COG5: variants seen among roughly 807,000 people sequenced by gnomAD.
COG5 encodes component of oligomeric golgi complex 5.
Under a neutral mutation model 110.4 loss-of-function variants are expected in COG5, and 86 were observed. That is an observed-to-expected ratio of 0.78 (90% CI 0.65 to 0.93). COG5 has a LOEUF of 0.93. COG5 is among the 40% of genes least tolerant of loss of function. COG5 has a pLI of 0.00. For missense variants in COG5, 1,077 were observed against 987.0 expected (o/e 1.09, Z -1.22); for synonymous variants, 360 against 334.6 (o/e 1.08, Z -0.83).
intron 6 of COG5, among the ~76,000 whole-genome samples, chr7:107,491,605 A>G (rs901803308): frequency 6.6e-6 from 1 of 152,198 alleles, no homozygotes; most frequent in African/African-American, 2.4e-5. Flanking sequence ...TCCAAATAAA[A>G]TAGTTTACAA....
At chr7:107,496,385 A>T (rs547105176) in intron 6 of COG5, among the ~76,000 whole-genome samples, 1 of 152,188 alleles carries the variant, frequency 6.6e-6, no homozygotes, top group South Asian at 2.1e-4. Context: ...CTGACTGGGC[A>T]CAGTGGTTCA....
At chr7:107,389,919 G>A (rs1790496485) in intron 7 of COG5, among the ~76,000 whole-genome samples, 1 of 152,062 alleles carries the variant, frequency 6.6e-6, no homozygotes, top group Admixed American at 6.5e-5. Context: ...ACACTCATCA[G>A]TGCCTAATTT....
intron 14 of COG5, chr7:107,258,705 G>A: frequency 3.6e-6 from 1 of 278,412 alleles, no homozygotes. Flanking sequence ...CCCCATGTGT[G>A]CTATTATTTT....
In COG5 at chr7:107,325,721, C is replaced by T. The variant is rs931380313; in HGVS notation, c.1027-1200G>A. Among the ~76,000 whole-genome samples, 10 of 152,074 alleles carry T rather than the reference C, an allele frequency of 6.6e-5. 1 individual carries two copies. Among genetic ancestry groups the T allele is most frequent in the Admixed American group, 6.6e-4 (10 of 15,252 alleles). On this transcript the variant is annotated intron_variant, in intron 10 of 21. Coordinates refer to ENST00000297135, the MANE Select transcript of COG5 (RefSeq NM_006348.5). The stretch of plus-strand genomic sequence containing the variant: ...AAATATCTCTAATGTTAAAATATTG[C>T]TACAGTCCCAAAAATAAAATTATAA...
At chr7:107,285,661 A>G (rs1273672161) in intron 12 of COG5, among the ~76,000 whole-genome samples, 1 of 152,058 alleles carries the variant, frequency 6.6e-6, no homozygotes, top group Admixed American at 6.6e-5. Context: ...TTTGCCAAGT[A>G]TTTCCTAGGT....
intron 6 of COG5, among the ~76,000 whole-genome samples, chr7:107,455,657 G>C (rs1382027170): frequency 6.6e-6 from 1 of 152,176 alleles, no homozygotes; most frequent in Non-Finnish European, 1.5e-5. Context: ...CTGTGAGAGA[G>C]AGAGACAGAG....
At chr7:107,557,865 A>AAGT in intron 2 of COG5, 111 bp downstream of exon 2, 2 of 1,339,680 alleles carry the variant, frequency 1.5e-6, no homozygotes, top group Non-Finnish European at 1.1e-6. Flanking sequence ...TCACACTGGT[A>AAGT]AGTATGTACT....
At chr7:107,427,303 A>T (rs1418142956) in intron 6 of COG5, among the ~76,000 whole-genome samples, 2 of 152,198 alleles carry the variant, frequency 1.3e-5, no homozygotes, top group Non-Finnish European at 1.5e-5. Flanking sequence ...TTTCCTATAC[A>T]TCAAAATTGA....
intron 11 of COG5, among the ~76,000 whole-genome samples, chr7:107,308,189 T>A (rs970350609): frequency 6.6e-6 from 1 of 152,216 alleles, no homozygotes; most frequent in Non-Finnish European, 1.5e-5. Flanking sequence ...CATCCTCTGA[T>A]CCTGTATTTC....
chr7:107,401,557 G>T (rs1791428126), intron 7 of COG5, among the ~76,000 whole-genome samples: 1 of 152,110 alleles, frequency 6.6e-6, no homozygotes, highest in African/African-American at 2.4e-5. Flanking sequence ...TCATTTGAAG[G>T]TCATAAAGGA....
At chr7:107,405,129 T>G in intron 7 of COG5, among the ~76,000 whole-genome samples, 1 of 152,336 alleles carries the variant, frequency 6.6e-6, no homozygotes, top group Non-Finnish European at 1.5e-5. Context: ...CTCCAGATCA[T>G]GATTCTATTA....
chr7:107,209,917 G>C, intron 21 of COG5: 1 of 986,492 alleles, frequency 1.0e-6, no homozygotes, highest in South Asian at 4.7e-5. Context: ...GATGGTGAGA[G>C]CAGTTGCAGG....
At chr7:107,527,460 C>T (rs1800858014) in intron 5 of COG5, 103 bp from the exon 6 acceptor site, 1 of 1,264,526 alleles carries the variant, frequency 7.9e-7, no homozygotes, top group Non-Finnish European at 1.1e-6. Context: ...CAGCAAACCA[C>T]CATGGCACAT....
At chr7:107,239,307 C>G (rs1801439584) in intron 17 of COG5, among the ~76,000 whole-genome samples, 1 of 152,138 alleles carries the variant, frequency 6.6e-6, no homozygotes, top group Non-Finnish European at 1.5e-5. Context: ...GCTCTCTGTT[C>G]TGTTTCATTG....
At chr7:107,333,726 T>A (rs1030165222) in intron 10 of COG5, among the ~76,000 whole-genome samples, 16 of 152,180 alleles carry the variant, frequency 1.1e-4, no homozygotes, top group African/African-American at 3.4e-4. Flanking sequence ...ATTATTCTTT[T>A]AAATTTTTTG....
At chr7:107,294,960 TAC>T (rs1185587747) in intron 12 of COG5, among the ~76,000 whole-genome samples, 25 of 123,680 alleles carry the variant, frequency 2.0e-4, no homozygotes, top group Non-Finnish European at 4.0e-4. Flanking sequence ...CATATATATA[TAC>T]ACACATATAT....
At chr7:107,355,683 A>C (rs1435306089) in intron 10 of COG5, among the ~76,000 whole-genome samples, 1 of 152,248 alleles carries the variant, frequency 6.6e-6, no homozygotes, top group African/African-American at 2.4e-5. Flanking sequence ...AAGGCAACTT[A>C]CTGTATAATT....
At chr7:107,333,605 G>T (rs1810453313) in intron 10 of COG5, among the ~76,000 whole-genome samples, 1 of 152,172 alleles carries the variant, frequency 6.6e-6, no homozygotes, top group African/African-American at 2.4e-5. Flanking sequence ...AATACATTTT[G>T]AAGGTAGAAC....
intron 6 of COG5, among the ~76,000 whole-genome samples, chr7:107,443,729 T>C (rs1794853972): frequency 6.6e-6 from 1 of 152,226 alleles, no homozygotes; most frequent in East Asian, 1.9e-4. Context: ...TCTATCAACA[T>C]AGTTTAGAAT....
Sources: allele counts gnomAD v4.1 joint callset (sites outside exome capture counted in the v4.1 genomes callset), GRCh38; gene constraint gnomAD v4.1.1; transcripts MANE v1.5; gene names NCBI Gene and HGNC (gene_info 2026-07-23, HGNC 2026-07-21).